The following DHX34 variants were observed in gnomAD, a reference collection of about 807,000 sequenced individuals.
DHX34 encodes the protein DExH-box helicase 34, also known as probable ATP-dependent RNA helicase DHX34.
A neutral mutation model predicts 111.1 loss-of-function variants in DHX34; 96 were observed. That is an observed-to-expected ratio of 0.86 (90% CI 0.73 to 1.02). The LOEUF (loss-of-function observed/expected upper bound fraction) is 1.02. DHX34 is among the 50% of genes least tolerant of loss of function. The pLI is 0.00. For missense variants in DHX34, 1,560 were observed against 1,579.9 expected (o/e 0.99, Z 0.21); for synonymous variants, 688 against 670.4 (o/e 1.03, Z -0.41).
intron 9 of DHX34, 151 bp downstream of exon 9, chr19:47,373,851 G>C: frequency 9.8e-7 from 1 of 1,015,236 alleles, no homozygotes; most frequent in Non-Finnish European, 1.4e-6. Context: ...CAGGTGTTGG[G>C]GCAGCTGGGC....
chr19:47,381,725 G>A (rs760591063), intron 16 of DHX34: 11 of 476,664 alleles, frequency 2.3e-5, no homozygotes, highest in Middle Eastern at 1.0e-3. Context: ...CTCCATCCCC[G>A]GCTGGCTGTG....
At chr19:47,357,753 C>T (rs537343328) in intron 3 of DHX34, 113 bp from the exon 4 acceptor site, 2 of 1,465,398 alleles carry the variant, frequency 1.4e-6, no homozygotes, top group East Asian at 2.5e-5. Flanking sequence ...ACCCGTTGCA[C>T]TGTGTCTTCT....
intron 5 of DHX34, among the ~76,000 whole-genome samples, chr19:47,361,059 T>G (rs1435876973): frequency 6.6e-6 from 1 of 152,212 alleles, no homozygotes; most frequent in East Asian, 1.9e-4. Flanking sequence ...GCATAGTGTT[T>G]GGAGACACTG....
rs746725597 is a variant in DHX34, at chr19:47,375,909, C to G, written c.2308-15C>G. 1 of 1,594,064 alleles carries G rather than the reference C, an allele frequency of 6.3e-7. No homozygotes were observed. On this transcript the variant is annotated splice_polypyrimidine_tract_variant and intron_variant, in intron 10 of 16. Transcript: ENST00000328771. ...TCAGGTCCCCTAAGACTCTGCCTCCCCGTGCTCCCCCCAGGATGTGAAGTT... is the reference window on the plus strand; with the variant it reads ...TCAGGTCCCCTAAGACTCTGCCTCCGCGTGCTCCCCCCAGGATGTGAAGTT...
chr19:47,376,632 C>T, intron 12 of DHX34, 72 bp downstream of exon 12: 1 of 1,516,604 alleles, frequency 6.6e-7, no homozygotes, highest in South Asian at 1.3e-5. Context: ...ACTCCCAGGC[C>T]CCTCTGGCTG....
rs71180829 is a variant in DHX34, at chr19:47,370,670, T to TTTTA, written c.1769-2039_1769-2036dup. ...AGGCTAAGAAGATGGTTCATTTTTG[T>TTTTA]TTTATTTATTTATTTATTTATTTAG... On this transcript the variant is annotated intron_variant, in intron 7 of 16. Transcript: ENST00000328771. Among the ~76,000 whole-genome samples the TTTTA allele has an allele frequency of 3.2e-3, 481 of 151,392 alleles. 5 individuals are homozygous for TTTTA. Among genetic ancestry groups the TTTTA allele is most frequent in the African/African-American group, 0.011 (437 of 41,418 alleles).
At chr19:47,369,956 TGTG>T (rs1208554516) in intron 7 of DHX34, among the ~76,000 whole-genome samples, 1 of 152,074 alleles carries the variant, frequency 6.6e-6, no homozygotes, top group African/African-American at 2.4e-5. Context: ...CACAAGCAGA[TGTG>T]GTGCTCCTCG....
chr19:47,373,846 G>A (rs1405401777), intron 9 of DHX34, 146 bp downstream of exon 9: 5 of 1,085,930 alleles, frequency 4.6e-6, no homozygotes, highest in African/African-American at 3.2e-5. Flanking sequence ...GTGACCAGGT[G>A]TTGGGGCAGC....
chr19:47,355,156 G>A lies in DHX34; in HGVS notation c.823G>A (p.Val275Ile), dbSNP rs199779870. The A allele has an allele frequency of 6.2e-7, 1 of 1,614,022 alleles. No individual in the cohort carries two copies. Among genetic ancestry groups the A allele is most frequent in the Non-Finnish European group, 8.5e-7 (1 of 1,180,014 alleles). The change falls in exon 3 of 17, where the codon GTC becomes ATC. Residue 275 changes from valine to isoleucine, a missense_variant. Transcript: ENST00000328771. ...QREPSLPQYE[V>I]LIVDEVHERH... is the part of the protein sequence containing the mutation. The stretch of plus-strand genomic sequence containing the variant: ...GGAACCCAGCCTGCCCCAGTATGAG[G>A]TCCTGATTGTGGATGAAGTCCATGA...
chr19:47,373,394 TG>T, intron 8 of DHX34: 1 of 830,356 alleles, frequency 1.2e-6, no homozygotes, highest in Non-Finnish European at 1.5e-6. Context: ...TCCAGGGGGC[TG>T]GGACAACCCA....
chr19:47,381,806 T>A, intron 16 of DHX34, 174 bp from the exon 17 acceptor site: 4 of 951,464 alleles, frequency 4.2e-6, no homozygotes, highest in Non-Finnish European at 5.0e-6. Flanking sequence ...GGATGCGGAG[T>A]AAAGACAGAC....
At chr19:47,381,388 C>T in intron 16 of DHX34, 64 bp downstream of exon 16, 2 of 1,568,534 alleles carry the variant, frequency 1.3e-6, no homozygotes, top group Admixed American at 3.7e-5. Context: ...CCATGATGGT[C>T]TCCTGTGCGT....
In DHX34 at chr19:47,382,008, C is replaced by T. The variant is rs768977379; in HGVS notation, c.3327C>T (p.Leu1109=). Residue 1109 remains leucine, a synonymous_variant, in exon 17 of 17, where the codon CTC becomes CTT. Coordinates refer to ENST00000328771, the MANE Select transcript of DHX34 (RefSeq NM_014681.6). ...CTGAGGAAGCTGCCCTCGAAACCCT[C>T]CAGAAGACATCTGTCCTGCAGAGGC... The part of the protein sequence containing the change: ...PGAEEAALET[L]QKTSVLQRPY... 6.2e-7 allele frequency: 1 copy of T among 1,614,120 alleles called. No homozygotes were observed. Among genetic ancestry groups the T allele is most frequent in the Non-Finnish European group, 8.5e-7 (1 of 1,180,004 alleles).
chr19:47,358,546 TG>T lies in DHX34; in HGVS notation c.1272+429del, dbSNP rs199542679. 4.5e-3 allele frequency among the ~76,000 whole-genome samples: 683 copies of T among 151,930 alleles called. 6 individuals are homozygous for T. Among genetic ancestry groups the T allele is most frequent in the African/African-American group, 0.015 (639 of 41,428 alleles). ...AGGGCTCACTGCAGCCTTGACTTCT[TG>T]GGCTCAAGTGATCCTCTCTCCTTAG... On this transcript the variant is annotated intron_variant, in intron 4 of 16. Transcript: ENST00000328771.
rs1970195656 is a variant in DHX34 at position 47,377,213 on chromosome 19, C to T, written c.2706+7C>T. On this transcript the variant is annotated splice_region_variant and intron_variant, in intron 13 of 16. Coordinates refer to ENST00000328771, the MANE Select transcript of DHX34 (RefSeq NM_014681.6). Reference sequence around the variant, plus strand: ...CCGCATCCCTGCCCTCCAGGTGGGCCTCTGCCCCACCCCGCCCCCATGCCC... The same window carrying T: ...CCGCATCCCTGCCCTCCAGGTGGGCTTCTGCCCCACCCCGCCCCCATGCCC... The T allele has an allele frequency of 6.2e-7, 1 of 1,610,510 alleles. No homozygotes were observed. Among genetic ancestry groups the T allele is most frequent in the African/African-American group, 1.3e-5 (1 of 74,848 alleles).
Position 47,372,943 on chromosome 19 carries a change from C to A in DHX34, c.1962+20C>A. ...GTGCAGGTGAGGCTGGTGGTGGGGGCCCTCTGTCTGTCACCCTGCTCAGGG... is the reference window on the plus strand; with the variant it reads ...GTGCAGGTGAGGCTGGTGGTGGGGGACCTCTGTCTGTCACCCTGCTCAGGG... On this transcript the variant is annotated intron_variant, in intron 8 of 16. Transcript: ENST00000328771. 7.2e-7 allele frequency: 1 copy of A among 1,380,194 alleles called. No homozygotes were observed. The highest frequency in any genetic ancestry group is 9.6e-7 in the Non-Finnish European group (1 of 1,044,740). The allele number at this position is 1,380,194 out of a possible 1,614,324, so 85.5% of individuals were successfully genotyped here.
intron 13 of DHX34, among the ~76,000 whole-genome samples, chr19:47,379,022 G>T (rs2122370780): frequency 6.6e-6 from 1 of 152,204 alleles, no homozygotes; most frequent in South Asian, 2.1e-4. Context: ...CCAGCTACTA[G>T]GGAGGCTGAG....
intron 4 of DHX34, among the ~76,000 whole-genome samples, chr19:47,358,501 T>C (rs1430675613): frequency 1.3e-5 from 2 of 151,714 alleles, no homozygotes; most frequent in African/African-American, 2.4e-5. Flanking sequence ...TTGTCCAGGC[T>C]GGAGTGCAGT....
rs747801204 is a variant in DHX34, at chr19:47,353,729, C to T, written c.699C>T (p.Gly233=). The T allele has an allele frequency of 6.3e-7, 1 of 1,580,848 alleles. No homozygotes were observed. Among genetic ancestry groups the T allele is most frequent in the Admixed American group, 1.8e-5 (1 of 56,558 alleles). Residue 233 remains glycine (G), a synonymous_variant, in exon 2 of 17, where the codon GGC becomes GGT. Coordinates refer to ENST00000328771, the MANE Select transcript of DHX34 (RefSeq NM_014681.6). The surrounding 1 kb of genome is among the most constrained non-coding windows in gnomAD (Gnocchi z 4.6). ...RVGFESLSQY[G]SQVGYQIRFE... ...GCTTTGAGAGCCTCAGTCAGTATGG[C>T]TCACAGGTGAGTGGGACGCACCAGG...
Sources: allele counts gnomAD v4.1 joint callset (sites outside exome capture counted in the v4.1 genomes callset), GRCh38; gene constraint gnomAD v4.1.1; non-coding constraint Gnocchi (gnomAD v3.1); transcripts MANE v1.5; gene names NCBI Gene and HGNC (gene_info 2026-07-23, HGNC 2026-07-21).